The following ANKRD30B variants were observed in gnomAD, a reference collection of about 807,000 sequenced individuals.
ANKRD30B encodes ankyrin repeat domain-containing protein 30B.
In ANKRD30B, 144 loss-of-function variants were observed where a neutral mutation model predicts 202.2. The observed-to-expected ratio is 0.71, with a 90% CI of 0.62 to 0.82. The LOEUF (loss-of-function observed/expected upper bound fraction) is 0.82, where lower values mean the gene tolerates loss of function less well. Ranked by LOEUF, ANKRD30B falls within the 40% of genes least tolerant of loss-of-function variation. ANKRD30B has a pLI of 0.00. For missense variants in ANKRD30B, 1,487 were observed against 1,669.1 expected, an observed-to-expected ratio of 0.89 and a Z score of 1.90; for synonymous variants, 508 against 561.3, an observed-to-expected ratio of 0.91 and a Z score of 1.34.
At chr18:14,837,701 A>G (rs1264372267) in intron 36 of ANKRD30B, 25 bp downstream of exon 36, 2 of 1,525,806 alleles carry the variant, frequency 1.3e-6, no homozygotes, top group East Asian at 2.5e-5. Flanking sequence ...TGTTGTTGTT[A>G]TTTTAAAACT....
rs1014924482 is a variant in ANKRD30B at position 14,806,333 on chromosome 18, C to G, written c.2285-2218C>G. On this transcript the variant is annotated intron_variant, in intron 24 of 43. Transcript: ENST00000690538. ...ATAATAATTACAGATGTCAGCAAGC[C>G]TTTGTTTAAGTGTATGTCCTACTTC... 1.4e-3 allele frequency among the ~76,000 whole-genome samples: 216 copies of G among 150,858 alleles called. 14 individuals are homozygous for G. The highest frequency in any genetic ancestry group is 4.6e-4 in the Non-Finnish European group (31 of 67,734).
chr18:14,940,769 A>G, the ANKRD30B span, among the ~76,000 whole-genome samples: 3 of 152,196 alleles, frequency 2.0e-5, no homozygotes, highest in African/African-American at 7.2e-5. Context: ...GGAATTGACA[A>G]TCTCTTTTTT....
chr18:14,767,360 A>G (rs1260066239), intron 7 of ANKRD30B, among the ~76,000 whole-genome samples: 1 of 152,190 alleles, frequency 6.6e-6, no homozygotes, highest in Non-Finnish European at 1.5e-5. Context: ...ATATATGCAT[A>G]TTTATGATAG....
At chr18:14,755,666 T>C (rs1360765256) in intron 4 of ANKRD30B, among the ~76,000 whole-genome samples, 1 of 152,180 alleles carries the variant, frequency 6.6e-6, no homozygotes, top group African/African-American at 2.4e-5. Flanking sequence ...TGGTTTTTTG[T>C]CCTTGCGATA....
rs1047386836 is a variant in ANKRD30B, at chr18:14,851,845, C to T, written c.3901C>T (p.Leu1301=). ...ETEIESHHPR[L]ASALQDHDQS... is the part of the protein sequence containing the mutation. ...AGAAATTGAATCACACCATCCTAGACTGGCTTCTGCTTTACAAGACCATGA... is the reference window on the plus strand; with the variant it reads ...AGAAATTGAATCACACCATCCTAGATTGGCTTCTGCTTTACAAGACCATGA... The change falls in exon 42 of 44, where the codon CTG becomes TTG. Residue 1301 remains leucine, a synonymous_variant. Coordinates refer to ENST00000690538, the MANE Select transcript of ANKRD30B (RefSeq NM_001367607.2). 3.6e-5 allele frequency: 58 copies of T among 1,589,468 alleles called. No individual in the cohort carries two copies. The highest frequency in any genetic ancestry group is 3.3e-4 in the Middle Eastern group (2 of 5,998).
intron 34 of ANKRD30B, among the ~76,000 whole-genome samples, chr18:14,832,490 G>C (rs71350506): frequency 7.2e-4 from 109 of 152,230 alleles, no homozygotes; most frequent in Middle Eastern, 3.4e-3. Flanking sequence ...AGAAGATTTT[G>C]TATTTAGTTA....
chr18:14,752,556 A>G lies in ANKRD30B; in HGVS notation c.222-10A>G. 1 of 1,602,732 alleles carries G rather than the reference A, an allele frequency of 6.2e-7. No homozygotes were observed. The highest frequency in any genetic ancestry group is 8.5e-7 in the Non-Finnish European group (1 of 1,175,112). ...CTATACTTTGCCTAAAAGTCCTCTC[A>G]CTCTCGTAGGACTGCTCTACACTGG... On this transcript the variant is annotated splice_polypyrimidine_tract_variant and intron_variant, in intron 1 of 43. Transcript: ENST00000690538.
the ANKRD30B span, among the ~76,000 whole-genome samples, chr18:14,869,456 T>C: frequency 1.4e-4 from 22 of 152,066 alleles, no homozygotes; most frequent in Admixed American, 1.4e-3. Context: ...AACCCGTTTT[T>C]TATATTTATA....
chr18:14,842,785 G>C lies in ANKRD30B; in HGVS notation c.3080-112G>C, dbSNP rs569569104. The C allele has an allele frequency of 3.4e-5, 35 of 1,039,804 alleles. No individual in the cohort carries two copies. The South Asian group carries it at 5.5e-4, about 16-fold the overall frequency. 64.4% of individuals were successfully genotyped at this position (1,039,804 alleles called of 1,614,324 possible). ...CGAAAGAAAACCCCCTAAACCTAAA[G>C]GAATCATTCTCAAAGCTGAGAAAAA... On this transcript the variant is annotated intron_variant, in intron 37 of 43. Transcript: ENST00000690538.
intron 18 of ANKRD30B, among the ~76,000 whole-genome samples, chr18:14,797,159 G>A (rs551616661): frequency 1.1e-4 from 16 of 152,254 alleles, no homozygotes; most frequent in Middle Eastern, 3.4e-3. Context: ...TAGAAGAGCC[G>A]TGGCAAGATG....
chr18:14,822,882 A>G (rs1028944298), intron 32 of ANKRD30B, among the ~76,000 whole-genome samples: 8 of 143,312 alleles, frequency 5.6e-5, no homozygotes, highest in African/African-American at 2.1e-4. Context: ...ATTCTACTGT[A>G]CCTCATGTGG....
the ANKRD30B span, among the ~76,000 whole-genome samples, chr18:14,868,014 T>C: frequency 6.6e-6 from 1 of 152,208 alleles, no homozygotes; most frequent in Non-Finnish European, 1.5e-5. Context: ...GTGATTCATC[T>C]CCTATGGTTG....
chr18:14,789,332 T>G (rs1172235916), intron 15 of ANKRD30B, among the ~76,000 whole-genome samples: 1 of 152,266 alleles, frequency 6.6e-6, no homozygotes. Context: ...TTCTCCCATT[T>G]TGTAGGTTGC....
rs1204421474 is a variant in ANKRD30B, at chr18:14,810,171, T to C, written c.2479T>C (p.Leu827=). The C allele has an allele frequency of 5.7e-6, 8 of 1,409,804 alleles. No homozygotes were observed. The East Asian group carries it at 1.8e-4, about 31-fold the overall frequency. The allele number at this position is 1,409,804 out of a possible 1,614,324, so 87.3% of individuals were successfully genotyped here. Residue 827 remains leucine, a synonymous_variant, in exon 28 of 44, where the codon TTA becomes CTA. Transcript: ENST00000690538. Reference sequence around the variant, plus strand: ...CTTAGAATTAAAGGACAGAGAAACATTAAAAGCAGGTAAACTTTGTAATTT... The same window carrying C: ...CTTAGAATTAAAGGACAGAGAAACACTAAAAGCAGGTAAACTTTGTAATTT... The part of the protein sequence containing the change: ...KALELKDRET[L]KAAQMFPSES...
chr18:14,873,402 G>A, the ANKRD30B span, among the ~76,000 whole-genome samples: 182 of 151,742 alleles, frequency 1.2e-3, no homozygotes, highest in African/African-American at 4.1e-3. Flanking sequence ...GCAGGCACCT[G>A]TAATCCCAGC....
At chr18:14,925,705 C>T in the ANKRD30B span, among the ~76,000 whole-genome samples, 3 of 152,310 alleles carry the variant, frequency 2.0e-5, no homozygotes, top group East Asian at 5.8e-4. Context: ...GTGGGCTGTG[C>T]TGGCTGCCCT....
chr18:14,794,088 C>A (rs916504733), intron 16 of ANKRD30B, among the ~76,000 whole-genome samples: 1 of 152,090 alleles, frequency 6.6e-6, no homozygotes, highest in African/African-American at 2.4e-5. Context: ...CCATACATTT[C>A]AATAGCCATT....
At chr18:14,767,370 GTTTAA>G (rs573242043) in intron 7 of ANKRD30B, among the ~76,000 whole-genome samples, 118 of 152,220 alleles carry the variant, frequency 7.8e-4, no homozygotes, top group African/African-American at 2.7e-3. Context: ...ATTTATGATA[GTTTAA>G]TTTATAAATT....
intron 32 of ANKRD30B, among the ~76,000 whole-genome samples, chr18:14,827,618 G>T (rs1453873222): frequency 7.9e-5 from 12 of 152,182 alleles, no homozygotes; most frequent in Non-Finnish European, 1.8e-4. Context: ...TATGAGAGCA[G>T]AGGGAAATCA....
Sources: gnomAD v4.1 joint callset for allele counts (sites outside exome capture counted in the v4.1 genomes callset) on GRCh38, gnomAD v4.1.1 for gene constraint, MANE v1.5 for transcripts, NCBI Gene and HGNC (gene_info 2026-07-23, HGNC 2026-07-21) for gene names.